Variants in CNTNAP2 observed in about 807,000 individuals in gnomAD.
CNTNAP2 encodes the protein contactin associated protein 2, also known as contactin-associated protein-like 2.
In CNTNAP2, 98 loss-of-function variants were observed where a neutral mutation model predicts 155.2. The observed-to-expected ratio is 0.63, with a 90% CI of 0.54 to 0.75. The LOEUF (loss-of-function observed/expected upper bound fraction) is 0.75, where lower values mean the gene tolerates loss of function less well. CNTNAP2 is among the 30% of genes least tolerant of loss of function. The probability of loss-of-function intolerance (pLI) is 0.00; values close to 1 mark genes in which losing one functional copy is unlikely to be tolerated. For missense variants in CNTNAP2, 1,727 were observed against 1,688.1 expected (o/e 1.02, Z -0.40); for synonymous variants, 651 against 631.2 (o/e 1.03, Z -0.47).
At chr7:147,510,610 A>G (rs1231601661) in intron 11 of CNTNAP2, among the ~76,000 whole-genome samples, 7 of 151,788 alleles carry the variant, frequency 4.6e-5, no homozygotes, top group African/African-American at 1.7e-4. Context: ...AGTACAACCA[A>G]TGCCATACAA....
chr7:147,348,329 G>C (rs537480851), intron 9 of CNTNAP2, among the ~76,000 whole-genome samples: 185 of 151,068 alleles, frequency 1.2e-3, no homozygotes, highest in Admixed American at 2.0e-3. Flanking sequence ...TTTAAAATGG[G>C]CAAATGATCT....
intron 1 of CNTNAP2, among the ~76,000 whole-genome samples, chr7:146,609,142 T>G (rs1336423426): frequency 1.3e-5 from 2 of 152,184 alleles, no homozygotes; most frequent in Non-Finnish European, 2.9e-5. Flanking sequence ...CCAAGTTTCT[T>G]CACATTGATC....
intron 8 of CNTNAP2, among the ~76,000 whole-genome samples, chr7:147,154,520 T>C (rs1303799773): frequency 6.6e-6 from 1 of 152,228 alleles, no homozygotes; most frequent in Admixed American, 6.5e-5. Context: ...CACTGATAGA[T>C]AATACTTGCT....
intron 1 of CNTNAP2, among the ~76,000 whole-genome samples, chr7:146,125,324 C>T (rs1330996970): frequency 1.3e-5 from 2 of 152,014 alleles, no homozygotes; most frequent in East Asian, 3.9e-4. Context: ...CGCCTGTAAT[C>T]CCAGCACTTT....
At position 148,415,814 on chromosome 7, in the gene CNTNAP2, C is replaced by T. The variant is rs1048918281; in HGVS notation, c.*198C>T. On this transcript the variant is annotated 3_prime_UTR_variant, in exon 24 of 24. Transcript: ENST00000361727. ...AAACCTTTTTAATATTTCTTTATAG[C>T]TGAGTTTTCCCTTCTGTATCAAAAC... The T allele has an allele frequency of 1.3e-4, 86 of 637,252 alleles. 1 individual carries two copies. In the Middle Eastern group the frequency reaches 2.1e-3, roughly 16 times the overall value. The allele number at this position is 637,252 out of a possible 1,614,324, so 39.5% of individuals were successfully genotyped here. A position where few individuals can be genotyped will look rare whatever the true frequency, so the allele number is the denominator to read the frequency against.
chr7:147,254,353 T>A (rs1303878329), intron 8 of CNTNAP2, among the ~76,000 whole-genome samples: 3 of 152,134 alleles, frequency 2.0e-5, no homozygotes, highest in Non-Finnish European at 4.4e-5. Flanking sequence ...TTTACAGGAG[T>A]TAGCACCTCC....
In CNTNAP2 at chr7:146,155,798, C is replaced by A. The variant is rs535737926; in HGVS notation, c.97+38825C>A. Among the ~76,000 whole-genome samples, 3 of 151,914 alleles carry A rather than the reference C, an allele frequency of 2.0e-5. No homozygotes were observed. The South Asian group carries it at 6.2e-4, about 32-fold the overall frequency. On this transcript the variant is annotated intron_variant, in intron 1 of 23. Transcript: ENST00000361727. ...CACTACAACCTCCTCCTCCCAGGTT[C>A]AAGTGATTCTCCTGCCTCAACCTCC... is the stretch of plus-strand genomic sequence containing the variant.
intron 1 of CNTNAP2, among the ~76,000 whole-genome samples, chr7:146,250,505 A>G (rs542119346): frequency 6.6e-6 from 1 of 152,298 alleles, no homozygotes; most frequent in South Asian, 2.1e-4. Flanking sequence ...GTGGTGCCTC[A>G]GTTAGCACAG....
intron 1 of CNTNAP2, among the ~76,000 whole-genome samples, chr7:146,231,632 C>A (rs1320099842): frequency 6.6e-6 from 1 of 152,166 alleles, no homozygotes; most frequent in African/African-American, 2.4e-5. Flanking sequence ...CCTATTTTGA[C>A]CCATCAAGAC....
chr7:147,875,004 T>A (rs1174190686), intron 13 of CNTNAP2, among the ~76,000 whole-genome samples: 4 of 152,218 alleles, frequency 2.6e-5, no homozygotes, highest in African/African-American at 9.6e-5. Flanking sequence ...CATATCACTA[T>A]CAGCATTTTG....
chr7:147,088,935 T>C (rs921454574), intron 4 of CNTNAP2, among the ~76,000 whole-genome samples: 2 of 151,198 alleles, frequency 1.3e-5, no homozygotes, highest in Admixed American at 6.6e-5. Flanking sequence ...CAGAGCAAGA[T>C]GCTGTCTCCA....
intron 1 of CNTNAP2, among the ~76,000 whole-genome samples, chr7:146,210,246 A>C (rs1214461492): frequency 6.6e-6 from 1 of 152,188 alleles, no homozygotes; most frequent in African/African-American, 2.4e-5. Flanking sequence ...TTTAAACCTC[A>C]GTGCTACCAT....
intron 1 of CNTNAP2, among the ~76,000 whole-genome samples, chr7:146,550,840 C>T (rs1400701245): frequency 1.3e-5 from 2 of 151,918 alleles, no homozygotes; most frequent in Non-Finnish European, 2.9e-5. Context: ...ACCTGTTCCA[C>T]AGGACATTGA....
At chr7:147,667,460 C>G (rs550297016) in intron 13 of CNTNAP2, among the ~76,000 whole-genome samples, 2 of 152,218 alleles carry the variant, frequency 1.3e-5, no homozygotes, top group East Asian at 3.9e-4. Context: ...AGTGACGACC[C>G]CAGGGTCTCC....
intron 1 of CNTNAP2, among the ~76,000 whole-genome samples, chr7:146,652,620 G>A (rs1799935895): frequency 6.6e-6 from 1 of 152,190 alleles, no homozygotes; most frequent in South Asian, 2.1e-4. Flanking sequence ...TAAAGGAAGA[G>A]AAATAGAATA....
intron 4 of CNTNAP2, among the ~76,000 whole-genome samples, chr7:147,073,666 CA>C (rs554312646): frequency 2.6e-5 from 4 of 152,042 alleles, no homozygotes; most frequent in Admixed American, 1.3e-4. Flanking sequence ...GCAGGTAGGT[CA>C]GGGGAAATCT....
intron 21 of CNTNAP2, among the ~76,000 whole-genome samples, chr7:148,320,904 A>C (rs1347362947): frequency 6.6e-6 from 1 of 152,248 alleles, no homozygotes; most frequent in Non-Finnish European, 1.5e-5. Flanking sequence ...CTGAAGACTT[A>C]ATGATCCAAG....
chr7:146,791,025 C>G (rs1488028563), intron 2 of CNTNAP2, among the ~76,000 whole-genome samples: 1 of 151,880 alleles, frequency 6.6e-6, no homozygotes, highest in African/African-American at 2.4e-5. Context: ...CACCCATCAA[C>G]CCGTTATCTA....
Position 146,162,305 on chromosome 7 carries a change from T to C in CNTNAP2, c.97+45332T>C, listed in dbSNP as rs551910301. Reference sequence around the variant, plus strand: ...ATCCAGAATCTACAAAGAACAAATTTACAAGAAAAAATCAAACAACCCCAT... The same window carrying C: ...ATCCAGAATCTACAAAGAACAAATTCACAAGAAAAAATCAAACAACCCCAT... On this transcript the variant is annotated intron_variant, in intron 1 of 23. Transcript: ENST00000361727. 8.6e-5 allele frequency among the ~76,000 whole-genome samples: 13 copies of C among 151,854 alleles called. 1 individual carries two copies. The South Asian group carries it at 2.7e-3, about 32-fold the overall frequency.
Sources: allele counts gnomAD v4.1 joint callset (sites outside exome capture counted in the v4.1 genomes callset), GRCh38; gene constraint gnomAD v4.1.1; transcripts MANE v1.5; gene names NCBI Gene and HGNC (gene_info 2026-07-23, HGNC 2026-07-21).